PTPRO: variants seen among roughly 807,000 people sequenced by gnomAD.
PTPRO encodes the protein receptor-type tyrosine-protein phosphatase O.
In PTPRO, 62 loss-of-function variants were observed where a neutral mutation model predicts 145.2. That is an observed-to-expected ratio of 0.43 (90% CI 0.35 to 0.53). The LOEUF is 0.53. Ranked by LOEUF, PTPRO falls within the 20% of genes least tolerant of loss-of-function variation. The pLI, the probability that PTPRO is intolerant of heterozygous loss-of-function variation, is 0.01. For synonymous variants in PTPRO, 565 were observed against 514.7 expected (o/e 1.10, Z -1.32); for missense variants, 1,345 against 1,482.7 (o/e 0.91, Z 1.53).
chr12:15,441,666 A>G (rs548869505), intron 1 of PTPRO, among the ~76,000 whole-genome samples: 2 of 152,258 alleles, frequency 1.3e-5, no homozygotes, highest in South Asian at 4.1e-4. Flanking sequence ...ATGACAAAGA[A>G]TGACATTACA....
At chr12:15,569,334 T>C in intron 18 of PTPRO, 83 bp from the exon 19 acceptor site, 3 of 1,229,130 alleles carry the variant, frequency 2.4e-6, no homozygotes, top group Non-Finnish European at 3.5e-6. Flanking sequence ...CCAAGAAGAT[T>C]AAGAAGTATG....
intron 12 of PTPRO, among the ~76,000 whole-genome samples, chr12:15,545,325 A>G (rs1475564723): frequency 6.6e-6 from 1 of 151,776 alleles, no homozygotes; most frequent in Admixed American, 6.6e-5. Context: ...CTGTTATGTG[A>G]ACCTAGCAGC....
At chr12:15,448,338 G>GCAAAAAAAAAAAAAAA (rs1565635275) in intron 1 of PTPRO, among the ~76,000 whole-genome samples, 1 of 3,866 alleles carries the variant, frequency 2.6e-4, no homozygotes, top group Admixed American at 6.5e-3. Flanking sequence ...CCTGTTCCTA[G>GCAAAAAAAAAAAAAAA]TAAAAAAAAA....
rs33914934 is a variant in PTPRO, at chr12:15,416,325, C to CTTT, written c.76-67639_76-67637dup. 3.2e-3 allele frequency among the ~76,000 whole-genome samples: 454 copies of CTTT among 143,718 alleles called. 13 individuals are homozygous for CTTT. In the East Asian group the frequency reaches 0.046, roughly 14 times the overall value. 94.3% of individuals were successfully genotyped at this position (143,718 alleles called of 152,430 possible). Reference sequence around the variant, plus strand: ...CCTCTTTCTCTCTCTCTCTCTCTTTCTTTTTTTTTTTTGAGACAGAGTCTC... The same window carrying CTTT: ...CCTCTTTCTCTCTCTCTCTCTCTTTCTTTTTTTTTTTTTTTGAGACAGAGTCTC... On this transcript the variant is annotated intron_variant, in intron 1 of 26. Transcript: ENST00000281171.
intron 1 of PTPRO, among the ~76,000 whole-genome samples, chr12:15,427,489 T>G (rs911827371): frequency 3.3e-5 from 5 of 151,762 alleles, no homozygotes; most frequent in African/African-American, 1.2e-4. Flanking sequence ...ATTCTAGTGG[T>G]TTTTTAATTA....
intron 2 of PTPRO, among the ~76,000 whole-genome samples, chr12:15,494,776 C>T (rs953727222): frequency 1.1e-4 from 17 of 152,288 alleles, no homozygotes; most frequent in African/African-American, 3.8e-4. Flanking sequence ...GTGCAGACTT[C>T]GTGCCTCAGG....
At chr12:15,425,553 C>A (rs1171588916) in intron 1 of PTPRO, among the ~76,000 whole-genome samples, 3 of 152,226 alleles carry the variant, frequency 2.0e-5, no homozygotes, top group African/African-American at 7.2e-5. Flanking sequence ...TATAAAATAA[C>A]CTCCTAGACA....
intron 6 of PTPRO, among the ~76,000 whole-genome samples, chr12:15,505,788 A>G (rs978245183): frequency 4.6e-5 from 7 of 152,232 alleles, no homozygotes; most frequent in African/African-American, 1.7e-4. Context: ...TTTCCTGACC[A>G]AACTGTTTCA....
chr12:15,423,064 A>G (rs1374678723), intron 1 of PTPRO, among the ~76,000 whole-genome samples: 1 of 152,244 alleles, frequency 6.6e-6, no homozygotes, highest in Non-Finnish European at 1.5e-5. Flanking sequence ...AAAATATTTT[A>G]CATTCCAGGA....
chr12:15,401,767 AGATT>A (rs1939500763), intron 1 of PTPRO, among the ~76,000 whole-genome samples: 1 of 152,204 alleles, frequency 6.6e-6, no homozygotes, highest in Admixed American at 6.5e-5. Flanking sequence ...TTAAAAAGTA[AGATT>A]GATTGCACAT....
intron 1 of PTPRO, among the ~76,000 whole-genome samples, chr12:15,416,727 T>C (rs919879542): frequency 6.6e-6 from 1 of 151,070 alleles, no homozygotes; most frequent in Non-Finnish European, 1.5e-5. Context: ...CCTTCTTTTT[T>C]TTTTTTTTTC....
At chr12:15,559,880 C>T (rs1196409605) in intron 16 of PTPRO, among the ~76,000 whole-genome samples, 1 of 152,056 alleles carries the variant, frequency 6.6e-6, no homozygotes, top group Non-Finnish European at 1.5e-5. Context: ...ACTAATGAGG[C>T]ATATAAGTGC....
chr12:15,349,823 CTTA>C (rs1330016055), intron 1 of PTPRO, among the ~76,000 whole-genome samples: 5 of 152,074 alleles, frequency 3.3e-5, no homozygotes, highest in Non-Finnish European at 5.9e-5. Flanking sequence ...ATTAACTAAG[CTTA>C]TTATTGATTA....
chr12:15,546,781 T>A, intron 13 of PTPRO, 73 bp downstream of exon 13: 1 of 1,565,574 alleles, frequency 6.4e-7, no homozygotes. Context: ...AATAAGAATC[T>A]TCTATTTCTT....
intron 10 of PTPRO, 97 bp downstream of exon 10, chr12:15,520,409 A>T: frequency 1.2e-6 from 1 of 837,182 alleles, no homozygotes. Flanking sequence ...TCATTCACCC[A>T]GCACTGGGTG....
chr12:15,360,833 TA>T, intron 1 of PTPRO, among the ~76,000 whole-genome samples: 1 of 143,722 alleles, frequency 7.0e-6, no homozygotes, highest in Non-Finnish European at 1.5e-5. Context: ...TGTGTGTATA[TA>T]TATACGTGTG....
At chr12:15,368,508 GT>G (rs1009016331) in intron 1 of PTPRO, among the ~76,000 whole-genome samples, 1 of 152,124 alleles carries the variant, frequency 6.6e-6, no homozygotes, top group Non-Finnish European at 1.5e-5. Flanking sequence ...GTAGGCAAGG[GT>G]TTTTTCCTGT....
chr12:15,526,085 G>T, intron 11 of PTPRO, 57 bp from the exon 12 acceptor site: 2 of 1,609,424 alleles, frequency 1.2e-6, no homozygotes. Context: ...GTTGTTTGGG[G>T]TGGTGCACTG....
intron 23 of PTPRO, 84 bp downstream of exon 23, chr12:15,581,885 G>C (rs534852166): frequency 3.9e-6 from 6 of 1,554,538 alleles, no homozygotes; most frequent in Non-Finnish European, 5.3e-6. Flanking sequence ...CTAACCCAGC[G>C]GCGCTAGAGG....
Sources: allele counts gnomAD v4.1 joint callset (sites outside exome capture counted in the v4.1 genomes callset), GRCh38; gene constraint gnomAD v4.1.1; transcripts MANE v1.5; gene names NCBI Gene and HGNC (gene_info 2026-07-23, HGNC 2026-07-21).